The following PIGK variants were observed in gnomAD, a reference collection of about 807,000 sequenced individuals.
The protein encoded by PIGK is phosphatidylinositol glycan anchor biosynthesis class K, also known as GPI-anchor transamidase.
A neutral mutation model predicts 50.6 loss-of-function variants in PIGK; 42 were observed. The ratio of observed to expected loss-of-function variants is 0.83; its 90% confidence interval spans 0.65 to 1.07. PIGK has a LOEUF of 1.07. PIGK is among the 50% of genes least tolerant of loss of function. The pLI is 0.00. For missense variants in PIGK, 448 were observed against 488.7 expected, an observed-to-expected ratio of 0.92 and a Z score of 0.78; for synonymous variants, 151 against 156.0, an observed-to-expected ratio of 0.97 and a Z score of 0.24.
intron 10 of PIGK, among the ~76,000 whole-genome samples, chr1:77,107,975 A>G (rs2100516542): frequency 6.6e-6 from 1 of 152,214 alleles, no homozygotes; most frequent in Non-Finnish European, 1.5e-5. Context: ...TTTTGAGCCT[A>G]TGTGAGTCTC....
At chr1:77,099,402 AT>A (rs1382887844) in intron 10 of PIGK, among the ~76,000 whole-genome samples, 1 of 152,140 alleles carries the variant, frequency 6.6e-6, no homozygotes, top group Non-Finnish European at 1.5e-5. Flanking sequence ...TACTTTAGTT[AT>A]TTTGGGGAGA....
chr1:77,198,070 C>T (rs1258326974), intron 3 of PIGK, among the ~76,000 whole-genome samples: 1 of 152,014 alleles, frequency 6.6e-6, no homozygotes, highest in Non-Finnish European at 1.5e-5. Context: ...TGAAGATAGG[C>T]TACTGTAATT....
chr1:77,204,749 A>G (rs961829211), intron 3 of PIGK, among the ~76,000 whole-genome samples: 1 of 152,222 alleles, frequency 6.6e-6, no homozygotes, highest in African/African-American at 2.4e-5. Flanking sequence ...ATATTCTAAC[A>G]CTAGACTAAC....
At chr1:77,179,688 C>T (rs1027051508) in intron 3 of PIGK, among the ~76,000 whole-genome samples, 41 of 152,104 alleles carry the variant, frequency 2.7e-4, no homozygotes, top group African/African-American at 8.7e-4. Context: ...ATTCATGAAT[C>T]GCTCATTGCT....
At chr1:77,140,325 T>A (rs562532215) in intron 9 of PIGK, among the ~76,000 whole-genome samples, 1 of 152,006 alleles carries the variant, frequency 6.6e-6, no homozygotes, top group South Asian at 2.1e-4. Flanking sequence ...CTCACTCTCT[T>A]ACTCTCCCCC....
At chr1:77,199,676 A>C (rs1472638250) in intron 3 of PIGK, among the ~76,000 whole-genome samples, 2 of 151,940 alleles carry the variant, frequency 1.3e-5, no homozygotes, top group Non-Finnish European at 1.5e-5. Flanking sequence ...TAATCAGAGC[A>C]ATCTATGAAG....
At chr1:77,147,280 C>T (rs958664771) in intron 9 of PIGK, among the ~76,000 whole-genome samples, 1 of 151,850 alleles carries the variant, frequency 6.6e-6, no homozygotes, top group African/African-American at 2.4e-5. Context: ...CCGGGTCCCT[C>T]CCACAACACA....
Position 77,161,639 on chromosome 1 carries a change from G to A in PIGK, c.657C>T (p.Asn219=). The A allele has an allele frequency of 6.3e-7, 1 of 1,582,280 alleles. No homozygotes were observed. The highest frequency in any genetic ancestry group is 8.7e-7 in the Non-Finnish European group (1 of 1,151,180). ...ASMYERFYSP[N]IMALASSQVG... ...CTTGACTACTAGCTAGAGCCATTATGTTAGGAGAATAAAATCGTTCATACA... is the reference window on the plus strand; with the variant it reads ...CTTGACTACTAGCTAGAGCCATTATATTAGGAGAATAAAATCGTTCATACA... The change falls in exon 7 of 11, where the codon AAC becomes AAT. Residue 219 remains asparagine (N), a synonymous_variant. Coordinates refer to ENST00000370812, the MANE Select transcript of PIGK (RefSeq NM_005482.3).
chr1:77,214,567 A>T (rs1656507793), intron 1 of PIGK, among the ~76,000 whole-genome samples: 1 of 152,162 alleles, frequency 6.6e-6, no homozygotes, highest in Non-Finnish European at 1.5e-5. Context: ...GAAAAGTTGA[A>T]ATCTTTCCCT....
At chr1:77,165,426 C>T (rs371828913) in intron 5 of PIGK, among the ~76,000 whole-genome samples, 6 of 151,774 alleles carry the variant, frequency 4.0e-5, no homozygotes, top group South Asian at 2.1e-4. Context: ...AAATGCAACA[C>T]GATAGAGAAA....
chr1:77,206,037 G>C (rs879821975), intron 3 of PIGK, among the ~76,000 whole-genome samples: 11 of 152,094 alleles, frequency 7.2e-5, no homozygotes, highest in Admixed American at 5.9e-4. Flanking sequence ...CTCTATAAGA[G>C]AGACAGTAAG....
At chr1:77,189,155 C>T (rs1301436438) in intron 3 of PIGK, among the ~76,000 whole-genome samples, 1 of 152,166 alleles carries the variant, frequency 6.6e-6, no homozygotes, top group Non-Finnish European at 1.5e-5. Context: ...CTTTATACAA[C>T]AGTACATTTG....
chr1:77,150,767 G>A (rs1654878978), intron 9 of PIGK, among the ~76,000 whole-genome samples: 2 of 151,922 alleles, frequency 1.3e-5, no homozygotes, highest in Non-Finnish European at 2.9e-5. Context: ...TAAAATCCTG[G>A]ACACATACAA....
chr1:77,213,117 G>A (rs990124268), intron 1 of PIGK, among the ~76,000 whole-genome samples: 4 of 152,084 alleles, frequency 2.6e-5, no homozygotes, highest in African/African-American at 9.7e-5. Flanking sequence ...TAGAGACAGG[G>A]TTTCACCATG....
intron 10 of PIGK, among the ~76,000 whole-genome samples, chr1:77,108,495 C>T (rs1008882177): frequency 2.6e-5 from 4 of 151,978 alleles, no homozygotes; most frequent in African/African-American, 7.3e-5. Flanking sequence ...GTGGGTAACC[C>T]GACCTTTCTC....
At position 77,181,580 on chromosome 1, in the gene PIGK, T is replaced by C. The variant is rs139343597; in HGVS notation, c.240-12185A>G. Among the ~76,000 whole-genome samples, 574 of 152,294 alleles carry C rather than the reference T, an allele frequency of 3.8e-3. 4 individuals carry two copies. Among genetic ancestry groups the C allele is most frequent in the Non-Finnish European group, 6.9e-3 (469 of 68,030 alleles). The stretch of plus-strand genomic sequence containing the variant: ...CATTGTTTAGCTACTAGAGCTAAGA[T>C]CTTCAGGCTTATCTTCCAGAAAAGC... On this transcript the variant is annotated intron_variant, in intron 3 of 10. Transcript: ENST00000370812.
Position 77,092,485 on chromosome 1 carries a change from C to T in PIGK, c.1077G>A (p.Pro359=), listed in dbSNP as rs759414410. 16 of 1,531,514 alleles carry T rather than the reference C, an allele frequency of 1.0e-5. No individual in the cohort carries two copies. Among genetic ancestry groups the T allele is most frequent in the South Asian group, 2.3e-5 (2 of 85,666 alleles). The allele number at this position is 1,531,514 out of a possible 1,614,324, so 94.9% of individuals were successfully genotyped here. A position where few individuals can be genotyped will look rare whatever the true frequency, so the allele number is the denominator to read the frequency against. Residue 359 remains proline (P), a synonymous_variant, in exon 11 of 11, where the codon CCG becomes CCA. Transcript: ENST00000370812. ...CAGGAGGATGCCAGTCTTTCAGCTT[C>T]GGTTTCTGCAAAACAAGAATAACAT... ...LPVAQIIHQK[P]KLKDWHPPGG...
chr1:77,154,555 C>T lies in PIGK; in HGVS notation c.880G>A (p.Asp294Asn). ...TCAGTTATCAGTACATTTTTAGGAT[C>T]CCTCTGAAAAAGATCAGTGCGATGT... is the stretch of plus-strand genomic sequence containing the variant. ...PGHRTDLFQR[D>N]PKNVLITDFF... Residue 294 changes from aspartate to asparagine, a missense_variant, in exon 9 of 11, where the codon GAT becomes AAT. Coordinates refer to ENST00000370812, the MANE Select transcript of PIGK (RefSeq NM_005482.3). The T allele has an allele frequency of 1.9e-6, 3 of 1,612,268 alleles. No individual in the cohort carries two copies. The highest frequency in any genetic ancestry group is 2.5e-6 in the Non-Finnish European group (3 of 1,178,488).
intron 4 of PIGK, among the ~76,000 whole-genome samples, 170 bp downstream of exon 4, chr1:77,169,090 T>C (rs574390006): frequency 6.6e-6 from 1 of 152,216 alleles, no homozygotes; most frequent in Non-Finnish European, 1.5e-5. Context: ...CATGTTTTAA[T>C]ATTTTACTTA....
Sources: gnomAD v4.1 joint callset for allele counts (sites outside exome capture counted in the v4.1 genomes callset) on GRCh38, gnomAD v4.1.1 for gene constraint, MANE v1.5 for transcripts, NCBI Gene and HGNC (gene_info 2026-07-23, HGNC 2026-07-21) for gene names.